Variants in ERC1 observed in about 807,000 individuals in gnomAD.
The protein encoded by ERC1 is ELKS/RAB6-interacting/CAST family member 1.
ERC1 carries 56 observed loss-of-function variants against 132.0 expected under a neutral mutation model. The ratio of observed to expected loss-of-function variants is 0.42; its 90% CI spans 0.34 to 0.53. The LOEUF (loss-of-function observed/expected upper bound fraction) is 0.53, where lower values mean the gene tolerates loss of function less well. Among genes scored for constraint, ERC1 ranks in the 20% least tolerant of loss-of-function variants. ERC1 has a pLI of 0.03. For synonymous variants in ERC1, 478 were observed against 476.1 expected, an observed-to-expected ratio of 1.00 and a Z score of -0.05; for missense variants, 1,202 against 1,349.9, an observed-to-expected ratio of 0.89 and a Z score of 1.72.
chr12:1,229,813 T>C (rs975202307), intron 12 of ERC1, among the ~76,000 whole-genome samples: 22 of 152,066 alleles, frequency 1.4e-4, no homozygotes, highest in African/African-American at 5.1e-4. Flanking sequence ...TATTATTTCC[T>C]TACTTTAGCT....
intron 18 of ERC1, among the ~76,000 whole-genome samples, chr12:1,481,918 C>T (rs574023810): frequency 2.0e-5 from 3 of 152,132 alleles, no homozygotes; most frequent in East Asian, 1.9e-4. Context: ...TTACTTAGTT[C>T]GGGTCTCCAT....
At chr12:1,165,586 G>T (rs142269826) in intron 8 of ERC1, among the ~76,000 whole-genome samples, 2,802 of 152,160 alleles carry the variant, frequency 0.018, 38 homozygotes, top group Non-Finnish European at 0.03. Flanking sequence ...GATTACCTCG[G>T]CCTCCCAAAG....
intron 2 of ERC1, among the ~76,000 whole-genome samples, chr12:1,076,944 C>T (rs1593145607): frequency 3.3e-5 from 5 of 152,266 alleles, no homozygotes; most frequent in South Asian, 4.1e-4. Context: ...GATAAGCATA[C>T]AGCCCTGGGC....
At chr12:1,316,578 CTGT>C (rs988371037) in intron 15 of ERC1, among the ~76,000 whole-genome samples, 1 of 152,042 alleles carries the variant, frequency 6.6e-6, no homozygotes, top group African/African-American at 2.4e-5. Flanking sequence ...TTCAAAATTG[CTGT>C]TGTTAATGCG....
At chr12:1,087,819 C>T (rs1312667898) in intron 3 of ERC1, among the ~76,000 whole-genome samples, 36 of 17,284 alleles carry the variant, frequency 2.1e-3, no homozygotes, top group African/African-American at 5.2e-3. Flanking sequence ...AGATTACAGG[C>T]AATATGCCTA....
chr12:996,800 T>C (rs1021721671), intron 1 of ERC1, among the ~76,000 whole-genome samples: 2 of 152,228 alleles, frequency 1.3e-5, no homozygotes, highest in African/African-American at 4.8e-5. Context: ...GCAATCACTG[T>C]TTGCAGTTTC....
intron 15 of ERC1, among the ~76,000 whole-genome samples, chr12:1,343,035 T>C (rs2084074290): frequency 6.6e-6 from 1 of 152,230 alleles, no homozygotes; most frequent in South Asian, 2.1e-4. Context: ...TCACAACTCC[T>C]TCCAGCCCCT....
chr12:1,357,353 G>GACAC (rs143356250), intron 15 of ERC1, among the ~76,000 whole-genome samples: 216 of 152,354 alleles, frequency 1.4e-3, no homozygotes, highest in African/African-American at 5.0e-3. Context: ...GCACAGTGTG[G>GACAC]ACAGCTGGTA....
intron 15 of ERC1, among the ~76,000 whole-genome samples, chr12:1,328,713 A>G (rs956922230): frequency 1.3e-5 from 2 of 151,310 alleles, no homozygotes; most frequent in Non-Finnish European, 2.9e-5. Context: ...AAATGATGCT[A>G]TAGGAGGAAG....
chr12:1,407,952 A>G (rs2091611576), intron 16 of ERC1, among the ~76,000 whole-genome samples, 197 bp from the exon 17 acceptor site: 1 of 152,086 alleles, frequency 6.6e-6, no homozygotes, highest in Non-Finnish European at 1.5e-5. Context: ...CTACATATGA[A>G]TTTGGGGGAG....
intron 8 of ERC1, among the ~76,000 whole-genome samples, chr12:1,176,126 C>T (rs912078460): frequency 1.3e-5 from 2 of 152,144 alleles, no homozygotes; most frequent in African/African-American, 4.8e-5. Flanking sequence ...GAGGAATCAC[C>T]AACTATGGCC....
chr12:1,264,386 A>G (rs6489273), intron 14 of ERC1, among the ~76,000 whole-genome samples: 65,318 of 151,990 alleles, frequency 0.43, 14,976 homozygotes, highest in African/African-American at 0.59. Flanking sequence ...ACCTAGGCCG[A>G]GCGCGGTGGT....
chr12:1,449,500 T>C (rs1428438255), intron 18 of ERC1, among the ~76,000 whole-genome samples: 2 of 152,146 alleles, frequency 1.3e-5, no homozygotes, highest in Non-Finnish European at 2.9e-5. Flanking sequence ...TCTCATGAGA[T>C]TTGATGGCTT....
chr12:1,118,580 A>G (rs1946711264), intron 7 of ERC1, among the ~76,000 whole-genome samples: 1 of 152,222 alleles, frequency 6.6e-6, no homozygotes, highest in African/African-American at 2.4e-5. Flanking sequence ...ATGAAAGCTA[A>G]CTTTCTTTGG....
intron 8 of ERC1, among the ~76,000 whole-genome samples, chr12:1,165,118 A>C (rs1566123010): frequency 1.3e-5 from 2 of 152,206 alleles, no homozygotes; most frequent in Non-Finnish European, 1.5e-5. Flanking sequence ...GGTATGTGGA[A>C]AGGAAGAGGA....
intron 13 of ERC1, among the ~76,000 whole-genome samples, chr12:1,259,327 G>C (rs949096985): frequency 6.6e-6 from 1 of 151,922 alleles, no homozygotes; most frequent in African/African-American, 2.4e-5. Flanking sequence ...TATCATAGAT[G>C]ATGAGGAATT....
rs376602369 is a variant in ERC1 at position 1,451,582 on chromosome 12, G to A, written c.3213+6832G>A. On this transcript the variant is annotated intron_variant, in intron 18 of 18. Coordinates refer to ENST00000360905, the MANE Select transcript of ERC1 (RefSeq NM_178040.4). ...CAAGATTGCAGTGAGCTATGATCACGCCACTGCACTCCAACCTGGGCTGCA... is the reference window on the plus strand; with the variant it reads ...CAAGATTGCAGTGAGCTATGATCACACCACTGCACTCCAACCTGGGCTGCA... Among the ~76,000 whole-genome samples the A allele has an allele frequency of 3.3e-5, 5 of 152,214 alleles. No individual in the cohort carries two copies. In the East Asian group the frequency reaches 7.7e-4, roughly 23 times the overall value.
rs561007947 is a variant in ERC1, at chr12:1,121,035, GA to G, written c.1569+5004del. ...TCATCCAGTCTTTCCGTAATTTAAAGAATATGTATGATAATATCTAACCTGA... is the reference window on the plus strand; with the variant it reads ...TCATCCAGTCTTTCCGTAATTTAAAGATATGTATGATAATATCTAACCTGA... On this transcript the variant is annotated intron_variant, in intron 7 of 18. Coordinates refer to ENST00000360905, the MANE Select transcript of ERC1 (RefSeq NM_178040.4). 2.1e-3 allele frequency among the ~76,000 whole-genome samples: 319 copies of G among 152,316 alleles called. 1 individual carries two copies. Among genetic ancestry groups the G allele is most frequent in the African/African-American group, 7.2e-3 (300 of 41,570 alleles).
At chr12:1,349,660 T>TAAA (rs57752848) in intron 15 of ERC1, among the ~76,000 whole-genome samples, 4,246 of 107,472 alleles carry the variant, frequency 0.04, 89 homozygotes, top group Middle Eastern at 0.093. Context: ...TGAGACCGTC[T>TAAA]AAAAAAAAAA....
Sources: allele counts gnomAD v4.1 joint callset (sites outside exome capture counted in the v4.1 genomes callset), GRCh38; gene constraint gnomAD v4.1.1; transcripts MANE v1.5; gene names NCBI Gene and HGNC (gene_info 2026-07-23, HGNC 2026-07-21).